Variants in SEMA6B observed in about 807,000 individuals in gnomAD.
SEMA6B encodes semaphorin 6B, also known as semaphorin-6B.
Under a neutral mutation model 78.6 loss-of-function variants are expected in SEMA6B, and 47 were observed. The observed-to-expected ratio is 0.60, with a 90% CI of 0.47 to 0.76. SEMA6B has a LOEUF of 0.76. SEMA6B is among the 30% of genes least tolerant of loss of function. SEMA6B has a pLI of 0.00. For synonymous variants in SEMA6B, 632 were observed against 592.2 expected (o/e 1.07, Z -0.98); for missense variants, 1,213 against 1,269.9 (o/e 0.96, Z 0.68).
chr19:4,546,198 G>A lies in SEMA6B; in HGVS notation c.1738+18C>T. On this transcript the variant is annotated intron_variant, in intron 16 of 16. Transcript: ENST00000586582. The stretch of plus-strand genomic sequence containing the variant: ...TAGTGGGGGATGGGGGTCTTAGCCT[G>A]CCGTCCCCCCAACTCACCTGTGCAG... The A allele has an allele frequency of 6.3e-7, 1 of 1,594,464 alleles. No homozygotes were observed. The highest frequency in any genetic ancestry group is 1.1e-5 in the South Asian group (1 of 90,014).
intron 9 of SEMA6B, among the ~76,000 whole-genome samples, chr19:4,553,231 C>T (rs1201967636): frequency 6.6e-6 from 1 of 150,478 alleles, no homozygotes; most frequent in Non-Finnish European, 1.5e-5. Context: ...GATGGATGAA[C>T]AGATGGATAG....
rs764521530 is a variant in SEMA6B, at chr19:4,555,495, C to T, written c.541G>A (p.Ala181Thr). The change falls in exon 7 of 17, where the codon GCC becomes ACC. Residue 181 changes from alanine to threonine, a missense_variant. Physicochemically the swap from Ala to Thr is moderately conservative, Grantham distance 58. Coordinates refer to ENST00000586582, the MANE Select transcript of SEMA6B (RefSeq NM_032108.4). The surrounding 1 kb of genome is among the most constrained non-coding windows in gnomAD (Gnocchi z 6.1). ...TTACCAGAGAAGAGGGCAACATTGG[C>T]GTGCTTGGGGTCGTACGGGCAGCGG... ...MARCPYDPKH[A>T]NVALFSDGML... is the part of the protein sequence containing the mutation. 7.4e-6 allele frequency: 12 copies of T among 1,612,790 alleles called. No homozygotes were observed. Among genetic ancestry groups the T allele is most frequent in the Admixed American group, 6.7e-5 (4 of 59,640 alleles).
chr19:4,553,472 A>ATAGGTGAGT (rs1977388173), intron 9 of SEMA6B, among the ~76,000 whole-genome samples: 1 of 147,336 alleles, frequency 6.8e-6, no homozygotes, highest in Admixed American at 6.8e-5. Context: ...GGATGGATGG[A>ATAGGTGAGT]TGGATGGATG....
rs756137311 is a variant in SEMA6B at position 4,558,170 on chromosome 19, G to A, written c.122-21C>T. The A allele has an allele frequency of 7.0e-7, 1 of 1,433,214 alleles. No individual in the cohort carries two copies. The highest frequency in any genetic ancestry group is 9.3e-7 in the Non-Finnish European group (1 of 1,077,644). The allele number at this position is 1,433,214 out of a possible 1,614,324, so 88.8% of individuals were successfully genotyped here. A position where few individuals can be genotyped will look rare whatever the true frequency, so the allele number is the denominator to read the frequency against. On this transcript the variant is annotated intron_variant, in intron 2 of 16. Coordinates refer to ENST00000586582, the MANE Select transcript of SEMA6B (RefSeq NM_032108.4). This position sits in a 1 kb window ranked among gnomAD's most constrained non-coding sequence, Gnocchi z 5.1. ...CAGGTCTGAGTGAGGGGGTGGAGAGGGGTGTGAGCAAGGGCTGGGGGTGAA... is the reference window on the plus strand; with the variant it reads ...CAGGTCTGAGTGAGGGGGTGGAGAGAGGTGTGAGCAAGGGCTGGGGGTGAA...
chr19:4,554,344 T>G (rs1277084090), intron 9 of SEMA6B, 44 bp downstream of exon 9: 2 of 1,484,544 alleles, frequency 1.3e-6, no homozygotes, highest in African/African-American at 2.8e-5. Flanking sequence ...TCACTTCGCA[T>G]GATCAGAGCC....
chr19:4,544,570 TG>T lies in SEMA6B; in HGVS notation c.1739-42del. On this transcript the variant is annotated intron_variant, in intron 16 of 16. Transcript: ENST00000586582. This position sits in a 1 kb window ranked among gnomAD's most constrained non-coding sequence, Gnocchi z 5.1. Reference sequence around the variant, plus strand: ...AGGGGGGTTAGTGGGGCCGGCGGGGTGGCCCTGGGCATCCCTCCTACCTCCT... The same window carrying T: ...AGGGGGGTTAGTGGGGCCGGCGGGGTGCCCTGGGCATCCCTCCTACCTCCT... 1 of 1,337,420 alleles carries T rather than the reference TG, an allele frequency of 7.5e-7. No homozygotes were observed. The highest frequency in any genetic ancestry group is 9.8e-7 in the Non-Finnish European group (1 of 1,017,126). 82.8% of individuals were successfully genotyped at this position (1,337,420 alleles called of 1,614,324 possible). A position where few individuals can be genotyped will look rare whatever the true frequency, so the allele number is the denominator to read the frequency against.
intron 8 of SEMA6B, 114 bp downstream of exon 8, chr19:4,554,862 G>T: frequency 1.6e-6 from 2 of 1,275,352 alleles, no homozygotes; most frequent in African/African-American, 1.5e-5. Context: ...CCAAAGATGT[G>T]GTGGAAATCT....
At chr19:4,545,045 A>C (rs1358882943) in intron 16 of SEMA6B, among the ~76,000 whole-genome samples, 3 of 152,054 alleles carry the variant, frequency 2.0e-5, no homozygotes, top group African/African-American at 7.2e-5. Flanking sequence ...TGTTTGTTTT[A>C]TTAAAGACAG....
chr19:4,543,005 G>T lies in SEMA6B; in HGVS notation c.*596C>A. 1.4e-6 allele frequency: 1 copy of T among 694,216 alleles called. No homozygotes were observed. Among genetic ancestry groups the T allele is most frequent in the East Asian group, 2.7e-5 (1 of 37,068 alleles). The allele number at this position is 694,216 out of a possible 1,614,324, so 43.0% of individuals were successfully genotyped here. A position where few individuals can be genotyped will look rare whatever the true frequency, so the allele number is the denominator to read the frequency against. On this transcript the variant is annotated 3_prime_UTR_variant, in exon 17 of 17. Transcript: ENST00000586582. ...ACGCCCAGGCCGCTGGGGCCACCAC[G>T]ATCGTCGCTCGTGGACACACACCCT...
chr19:4,554,605 CAA>C (rs1599781300), intron 8 of SEMA6B, 129 bp from the exon 9 acceptor site: 1 of 708,096 alleles, frequency 1.4e-6, no homozygotes, highest in African/African-American at 1.8e-5. Context: ...GAAACAGACT[CAA>C]AGTTTGGTAT....
chr19:4,558,322 C>T lies in SEMA6B; in HGVS notation c.121+15G>A. The T allele has an allele frequency of 7.6e-7, 1 of 1,318,394 alleles. No individual in the cohort carries two copies. The highest frequency in any genetic ancestry group is 9.8e-7 in the Non-Finnish European group (1 of 1,024,304). The allele number at this position is 1,318,394 out of a possible 1,614,324, so 81.7% of individuals were successfully genotyped here. A position where few individuals can be genotyped will look rare whatever the true frequency, so the allele number is the denominator to read the frequency against. ...ACGGGACTCCACCCCCGCCCAAAGA[C>T]ACCCCCAGACTCACAGTCCCTGGGG... On this transcript the variant is annotated intron_variant, in intron 2 of 16. Transcript: ENST00000586582. This position sits in a 1 kb window ranked among gnomAD's most constrained non-coding sequence, Gnocchi z 5.1.
At chr19:4,549,299 C>CTT (rs55771429) in intron 12 of SEMA6B, among the ~76,000 whole-genome samples, 35,331 of 98,296 alleles carry the variant, frequency 0.36, 8,450 homozygotes, top group East Asian at 0.75. Flanking sequence ...CTGTCTACCT[C>CTT]TTTTTTTTTT....
intron 10 of SEMA6B, among the ~76,000 whole-genome samples, chr19:4,551,158 TC>T (rs1282672761): frequency 6.6e-6 from 1 of 150,656 alleles, no homozygotes; most frequent in East Asian, 2.0e-4. Context: ...CAGGCCCCCA[TC>T]CCTGTTTAAC....
In SEMA6B at chr19:4,552,036, C is replaced by A. The variant is rs1013411974; in HGVS notation, c.989+386G>T. ...ATTCTCCCCTAGTTCCCTTCCCACA[C>A]AGACTCTCTCACGATTACTTAAGTA... On this transcript the variant is annotated intron_variant, in intron 10 of 16. Transcript: ENST00000586582. This position sits in a 1 kb window ranked among gnomAD's most constrained non-coding sequence, Gnocchi z 7.4. Among the ~76,000 whole-genome samples the A allele has an allele frequency of 2.9e-4, 44 of 152,152 alleles. No individual in the cohort carries two copies. Among genetic ancestry groups the A allele is most frequent in the African/African-American group, 1.0e-3 (42 of 41,432 alleles).
chr19:4,546,641 TG>T (rs1977176418), intron 14 of SEMA6B, among the ~76,000 whole-genome samples, 172 bp from the exon 15 acceptor site: 1 of 152,212 alleles, frequency 6.6e-6, no homozygotes, highest in African/African-American at 2.4e-5. Context: ...TAGTTATTTT[TG>T]AGATGGAATT....
rs1029055153 is a variant in SEMA6B, at chr19:4,558,680, C to A, written c.-32-191G>T. On this transcript the variant is annotated intron_variant, in intron 1 of 16. Coordinates refer to ENST00000586582, the MANE Select transcript of SEMA6B (RefSeq NM_032108.4). The surrounding 1 kb of genome is among the most constrained non-coding windows in gnomAD (Gnocchi z 5.1). ...TTTAATTATCAGAACAACTTTATGG[C>A]CACGTGTGCGTGAAAGCCCAGGAAA... Among the ~76,000 whole-genome samples the A allele has an allele frequency of 6.6e-6, 1 of 152,142 alleles. No homozygotes were observed. Among genetic ancestry groups the A allele is most frequent in the African/African-American group, 2.4e-5 (1 of 41,426 alleles).
In SEMA6B at chr19:4,544,797, G is replaced by A. The variant is rs865845428; in HGVS notation, c.1739-268C>T. 2.0e-5 allele frequency among the ~76,000 whole-genome samples: 3 copies of A among 151,760 alleles called. No individual in the cohort carries two copies. Among genetic ancestry groups the A allele is most frequent in the African/African-American group, 7.3e-5 (3 of 41,322 alleles). Reference sequence around the variant, plus strand: ...ACCACAGGTGCCCACCACCACGCCCGGCTAATTTTTGTATTTTTAGTAGGA... The same window carrying A: ...ACCACAGGTGCCCACCACCACGCCCAGCTAATTTTTGTATTTTTAGTAGGA... On this transcript the variant is annotated intron_variant, in intron 16 of 16. Coordinates refer to ENST00000586582, the MANE Select transcript of SEMA6B (RefSeq NM_032108.4). The surrounding 1 kb of genome is among the most constrained non-coding windows in gnomAD (Gnocchi z 5.1).
chr19:4,542,904 TG>T lies in SEMA6B; in HGVS notation c.*696del, dbSNP rs149072027. 2.7e-5 allele frequency: 19 copies of T among 699,054 alleles called. No homozygotes were observed. Among genetic ancestry groups the T allele is most frequent in the South Asian group, 8.9e-5 (6 of 67,404 alleles). 43.3% of individuals were successfully genotyped at this position (699,054 alleles called of 1,614,324 possible). A position where few individuals can be genotyped will look rare whatever the true frequency, so the allele number is the denominator to read the frequency against. On this transcript the variant is annotated 3_prime_UTR_variant, in exon 17 of 17. Transcript: ENST00000586582. The stretch of plus-strand genomic sequence containing the variant: ...ATTGTCCCCGCTTCCCTCTGCAGAG[TG>T]GGGGGGGTTCAAACTCCTAACCGGC...
rs1977064830 is a variant in SEMA6B at position 4,543,186 on chromosome 19, G to C, written c.*415C>G. On this transcript the variant is annotated 3_prime_UTR_variant, in exon 17 of 17. Transcript: ENST00000586582. ...CTGGGTTGGGGAGGGACCTTTCCAG[G>C]GGTGGGGGAGGGCTTAGGTCTGCAG... 6.8e-6 allele frequency: 4 copies of C among 591,418 alleles called. No individual in the cohort carries two copies. The highest frequency in any genetic ancestry group is 2.8e-5 in the East Asian group (1 of 35,754). The allele number at this position is 591,418 out of a possible 1,614,324, so 36.6% of individuals were successfully genotyped here. A position where few individuals can be genotyped will look rare whatever the true frequency, so the allele number is the denominator to read the frequency against.
Sources: gnomAD v4.1 joint callset for allele counts (sites outside exome capture counted in the v4.1 genomes callset) on GRCh38, gnomAD v4.1.1 for gene constraint, Gnocchi (gnomAD v3.1) non-coding constraint, MANE v1.5 for transcripts, NCBI Gene and HGNC (gene_info 2026-07-23, HGNC 2026-07-21) for gene names.